The following KLHL5 variants were observed in gnomAD, a reference collection of about 807,000 sequenced individuals.
The protein encoded by KLHL5 is kelch like family member 5.
KLHL5 carries 48 observed loss-of-function variants against 77.7 expected under a neutral mutation model. The observed-to-expected ratio is 0.62, with a 90% CI of 0.49 to 0.79. The LOEUF is 0.79. Ranked by LOEUF, KLHL5 falls within the 30% of genes least tolerant of loss-of-function variation. The pLI is 0.00. For synonymous variants in KLHL5, 260 were observed against 297.0 expected (o/e 0.88, Z 1.28); for missense variants, 723 against 859.7 (o/e 0.84, Z 1.99).
At chr4:39,107,812 CATAA>C in intron 8 of KLHL5, 81 bp downstream of exon 8, 2 of 983,266 alleles carry the variant, frequency 2.0e-6, no homozygotes, top group Non-Finnish European at 2.9e-6. Flanking sequence ...TAAAGATATA[CATAA>C]ATACTTACAG....
intron 5 of KLHL5, among the ~76,000 whole-genome samples, chr4:39,091,619 A>T (rs1720557585): frequency 6.6e-6 from 1 of 151,928 alleles, no homozygotes; most frequent in Non-Finnish European, 1.5e-5. Context: ...ATATAAAATG[A>T]GTCAGTATTT....
At chr4:39,105,678 T>C (rs1002976257) in intron 7 of KLHL5, among the ~76,000 whole-genome samples, 1 of 151,518 alleles carries the variant, frequency 6.6e-6, no homozygotes, top group Non-Finnish European at 1.5e-5. Context: ...TATGCACATA[T>C]ATACATATAA....
Position 39,086,632 on chromosome 4 carries a change from G to A in KLHL5, c.1018G>A (p.Ala340Thr). The A allele has an allele frequency of 1.2e-6, 2 of 1,613,930 alleles. No individual in the cohort carries two copies. Among genetic ancestry groups the A allele is most frequent in the Non-Finnish European group, 1.7e-6 (2 of 1,179,916 alleles). The change falls in exon 5 of 11, where the codon GCA becomes ACA. Residue 340 changes from alanine to threonine, a missense_variant. By Grantham distance (58) the Ala-to-Thr change is moderately conservative. This residue lies in a region of KLHL5 where 288 missense variants were observed against 400.3 expected (regional missense o/e 0.72). Coordinates refer to ENST00000504108, the MANE Select transcript of KLHL5 (RefSeq NM_015990.5). Reference protein sequence around the residue: ...NIPNEETILNALLTWVRHDLE... With the variant: ...NIPNEETILNTLLTWVRHDLE... ...TCCTAATGAGGAGACAATATTGAATGCACTTCTTACTTGGGTCCGTCATGA... is the reference window on the plus strand; with the variant it reads ...TCCTAATGAGGAGACAATATTGAATACACTTCTTACTTGGGTCCGTCATGA...
At chr4:39,093,415 T>C (rs1295949151) in intron 5 of KLHL5, 3 of 455,890 alleles carry the variant, frequency 6.6e-6, no homozygotes, top group South Asian at 3.1e-5. Context: ...AACTGTTTTA[T>C]GGTAATGGTT....
At chr4:39,100,730 G>A (rs945237588) in intron 6 of KLHL5, among the ~76,000 whole-genome samples, 1 of 152,150 alleles carries the variant, frequency 6.6e-6, no homozygotes, top group African/African-American at 2.4e-5. Flanking sequence ...CACATAAGAT[G>A]CAAATGCCTC....
chr4:39,058,333 A>T (rs901623888), upstream of KLHL5, among the ~76,000 whole-genome samples: 2 of 152,196 alleles, frequency 1.3e-5, no homozygotes, highest in Non-Finnish European at 2.9e-5. Flanking sequence ...AGTTGAAAAA[A>T]TACCGTACGA....
intron 1 of KLHL5, among the ~76,000 whole-genome samples, chr4:39,073,278 C>T (rs373518129): frequency 6.6e-6 from 1 of 152,106 alleles, no homozygotes; most frequent in Admixed American, 6.5e-5. Context: ...CATATGCCAA[C>T]ATCAGAAGTA....
the KLHL5 span, among the ~76,000 whole-genome samples, chr4:39,133,201 G>T: frequency 6.6e-6 from 1 of 152,054 alleles, no homozygotes; most frequent in Non-Finnish European, 1.5e-5. Context: ...TAAAAATTAT[G>T]CTAATTTATG....
intron 4 of KLHL5, among the ~76,000 whole-genome samples, chr4:39,082,589 ATG>A (rs1334360415): frequency 6.6e-6 from 1 of 152,222 alleles, no homozygotes; most frequent in Non-Finnish European, 1.5e-5. Flanking sequence ...AAATCTGACT[ATG>A]TATAAACTAT....
chr4:39,136,658 C>T, the KLHL5 span, among the ~76,000 whole-genome samples: 3 of 152,146 alleles, frequency 2.0e-5, no homozygotes, highest in Non-Finnish European at 2.9e-5. Flanking sequence ...CCACACAGCA[C>T]GGCAGCCTGG....
chr4:39,113,060 A>C lies in KLHL5; in HGVS notation c.1729A>C (p.Lys577Gln). 6.2e-7 allele frequency: 1 copy of C among 1,613,856 alleles called. No individual in the cohort carries two copies. Among genetic ancestry groups the C allele is most frequent in the Non-Finnish European group, 8.5e-7 (1 of 1,179,896 alleles). Residue 577 changes from lysine to glutamine, a missense_variant, in exon 9 of 11, where the codon AAA becomes CAA. This residue lies in a region of KLHL5 where 214 missense variants were observed against 237.4 expected (regional missense o/e 0.90). Coordinates refer to ENST00000504108, the MANE Select transcript of KLHL5 (RefSeq NM_015990.5). ...TGGTCGTGATGGAAGTTCTTGTCTC[A>C]AATCAGTAGAATGTTTTGATCCTCA... The part of the protein sequence containing the change: ...VGGRDGSSCL[K>Q]SVECFDPHTN...
At chr4:39,137,185 G>A in the KLHL5 span, among the ~76,000 whole-genome samples, 4 of 32,432 alleles carry the variant, frequency 1.2e-4, no homozygotes, top group Non-Finnish European at 1.8e-4. Context: ...AAATATGTGC[G>A]TGTGTGTGTA....
At chr4:39,108,299 T>C (rs1722197884) in intron 8 of KLHL5, among the ~76,000 whole-genome samples, 1 of 152,092 alleles carries the variant, frequency 6.6e-6, no homozygotes, top group Non-Finnish European at 1.5e-5. Flanking sequence ...AGAGAGTAAA[T>C]ATTTTTTCAG....
chr4:39,142,288 C>A, the KLHL5 span, among the ~76,000 whole-genome samples: 1 of 151,434 alleles, frequency 6.6e-6, no homozygotes, highest in Admixed American at 6.6e-5. Flanking sequence ...CTAGCTACTC[C>A]GGAGGCTGAG....
upstream of KLHL5, among the ~76,000 whole-genome samples, chr4:39,060,902 C>T (rs1455114117): frequency 8.5e-5 from 13 of 152,168 alleles, no homozygotes; most frequent in South Asian, 4.1e-4. Flanking sequence ...TTTATCTCAT[C>T]GTATTCATCT....
chr4:39,099,899 G>T (rs1424906456), intron 6 of KLHL5, among the ~76,000 whole-genome samples: 2 of 152,146 alleles, frequency 1.3e-5, no homozygotes. Flanking sequence ...CAGATAATCT[G>T]CAAATACTTA....
chr4:39,049,740 A>C (rs1047304749), intron 1 of KLHL5, among the ~76,000 whole-genome samples: 9 of 151,756 alleles, frequency 5.9e-5, no homozygotes, highest in African/African-American at 2.2e-4. Flanking sequence ...AAATAAATGA[A>C]AGTGTATAAG....
intron 1 of KLHL5, among the ~76,000 whole-genome samples, chr4:39,072,530 T>C (rs1037937895): frequency 2.0e-5 from 3 of 152,092 alleles, no homozygotes; most frequent in Non-Finnish European, 4.4e-5. Context: ...TCCAATTTGG[T>C]AGCCACTAGC....
chr4:39,103,124 A>T (rs1397946452), intron 6 of KLHL5, among the ~76,000 whole-genome samples, 163 bp from the exon 7 acceptor site: 1 of 152,184 alleles, frequency 6.6e-6, no homozygotes, highest in African/African-American at 2.4e-5. Context: ...GGAGATGAGG[A>T]CACAGAGGTA....
Sources: gnomAD v4.1 joint callset for allele counts (sites outside exome capture counted in the v4.1 genomes callset) on GRCh38, gnomAD v4.1.1 for gene constraint, gnomAD v4.1.1 regional missense constraint, MANE v1.5 for transcripts, NCBI Gene and HGNC (gene_info 2026-07-23, HGNC 2026-07-21) for gene names.